Variants in SYK observed in about 807,000 individuals in gnomAD.
SYK encodes the protein spleen associated tyrosine kinase, also known as tyrosine-protein kinase SYK.
Under a neutral mutation model 77.8 loss-of-function variants are expected in SYK, and 16 were observed. That is an observed-to-expected ratio of 0.21 (90% confidence interval 0.14 to 0.31). The LOEUF is 0.31. Ranked by LOEUF, SYK falls within the 10% of genes least tolerant of loss-of-function variation. The pLI, the probability that SYK is intolerant of heterozygous loss-of-function variation, is 1.00. For missense variants in SYK, 529 were observed against 814.4 expected, an observed-to-expected ratio of 0.65 and a Z score of 4.26; for synonymous variants, 312 against 308.7, an observed-to-expected ratio of 1.01 and a Z score of -0.11.
chr9:90,884,220 T>TATACACATACACACGTGTATATATACAC lies in SYK; in HGVS notation c.1582-3516_1582-3515insCGTGTATATATACACATACACATACACA, dbSNP rs1564120111. On this transcript the variant is annotated intron_variant, in intron 11 of 13. Coordinates refer to ENST00000375754, the MANE Select transcript of SYK (RefSeq NM_003177.7). The stretch of plus-strand genomic sequence containing the variant: ...ACACATACGTGTATATATACACGCA[T>TATACACATACACACGTGTATATATACAC]ATACACATACACATACGTGTATATA... 4.9e-3 allele frequency among the ~76,000 whole-genome samples: 162 copies of TATACACATACACACGTGTATATATACAC among 33,044 alleles called. 12 individuals are homozygous for TATACACATACACACGTGTATATATACAC. The highest frequency in any genetic ancestry group is 6.8e-3 in the Non-Finnish European group (125 of 18,338). 21.7% of individuals were successfully genotyped at this position (33,044 alleles called of 152,430 possible). A position where few individuals can be genotyped will look rare whatever the true frequency, so the allele number is the denominator to read the frequency against.
intron 3 of SYK, among the ~76,000 whole-genome samples, chr9:90,859,725 C>T (rs1157150746): frequency 6.6e-6 from 1 of 152,156 alleles, no homozygotes; most frequent in Non-Finnish European, 1.5e-5. Context: ...GTAGGAGGGG[C>T]CTTGCTGCTC....
chr9:90,874,755 G>A lies in SYK; in HGVS notation c.1087G>A (p.Val363Ile), dbSNP rs775193698. 6.8e-6 allele frequency: 11 copies of A among 1,614,004 alleles called. No homozygotes were observed. In the East Asian group the frequency reaches 2.5e-4, roughly 36 times the overall value. ...CCCCGAGGAGATCAGGCCCAAGGAG[G>A]TTTACCTGGACCGAAAGCTGCTGAC... ...ADPEEIRPKE[V>I]YLDRKLLTLE... The change falls in exon 9 of 14, where the codon GTT becomes ATT. Residue 363 changes from valine (V) to isoleucine (I), a missense_variant. Coordinates refer to ENST00000375754, the MANE Select transcript of SYK (RefSeq NM_003177.7).
chr9:90,824,034 C>T (rs1825598138), intron 1 of SYK, among the ~76,000 whole-genome samples: 1 of 151,418 alleles, frequency 6.6e-6, no homozygotes. Flanking sequence ...GTAGAAGATG[C>T]AATTTACCAA....
intron 3 of SYK, among the ~76,000 whole-genome samples, chr9:90,848,994 G>A (rs746591101): frequency 1.1e-4 from 16 of 152,226 alleles, no homozygotes; most frequent in Admixed American, 3.9e-4. Flanking sequence ...TGGCAGGAGC[G>A]TGCCTGGGGA....
rs199501490 is a variant in SYK, at chr9:90,877,786, G to A, written c.1391+6G>A. On this transcript the variant is annotated splice_donor_region_variant and intron_variant, in intron 10 of 13. Coordinates refer to ENST00000375754, the MANE Select transcript of SYK (RefSeq NM_003177.7). ...AAGTATTTGCAGCAGAACAGGTATTGTCAGGTGCCCCCACACATCTGGAAG... is the reference window on the plus strand; with the variant it reads ...AAGTATTTGCAGCAGAACAGGTATTATCAGGTGCCCCCACACATCTGGAAG... 9 of 1,613,838 alleles carry A rather than the reference G, an allele frequency of 5.6e-6. No homozygotes were observed. The highest frequency in any genetic ancestry group is 7.6e-6 in the Non-Finnish European group (9 of 1,179,980).
chr9:90,859,996 T>C (rs1827191946), intron 3 of SYK, among the ~76,000 whole-genome samples: 1 of 152,120 alleles, frequency 6.6e-6, no homozygotes, highest in African/African-American at 2.4e-5. Flanking sequence ...ACTACTATCT[T>C]TTTTTCTGGA....
At chr9:90,802,160 C>T (rs568812909) in intron 1 of SYK, 2 of 152,356 alleles carry the variant, frequency 1.3e-5, no homozygotes, top group Admixed American at 6.5e-5. Flanking sequence ...GAAAGTGACC[C>T]GGGCACCCCA....
At chr9:90,808,082 A>T (rs1824913373) in intron 1 of SYK, among the ~76,000 whole-genome samples, 1 of 152,180 alleles carries the variant, frequency 6.6e-6, no homozygotes, top group Non-Finnish European at 1.5e-5. Context: ...TTTTGATATT[A>T]TAAACAGTGC....
At chr9:90,831,690 A>G (rs2118516124) in intron 1 of SYK, among the ~76,000 whole-genome samples, 1 of 152,334 alleles carries the variant, frequency 6.6e-6, no homozygotes, top group African/African-American at 2.4e-5. Flanking sequence ...TTTTGCAGTC[A>G]TTTGTGACGT....
intron 1 of SYK, among the ~76,000 whole-genome samples, chr9:90,812,771 G>GTGTGTGTT (rs1825134700): frequency 1.1e-5 from 1 of 89,860 alleles, no homozygotes; most frequent in African/African-American, 3.2e-5. Context: ...GTGTGTGTGT[G>GTGTGTGTT]TGTGTGTGAG....
intron 3 of SYK, among the ~76,000 whole-genome samples, chr9:90,848,572 G>A (rs577534727): frequency 6.6e-6 from 1 of 152,304 alleles, no homozygotes; most frequent in South Asian, 2.1e-4. Flanking sequence ...GCCAGCTGCT[G>A]TTTTTTTCCC....
chr9:90,836,848 A>G (rs1826104020), intron 1 of SYK, among the ~76,000 whole-genome samples: 1 of 152,188 alleles, frequency 6.6e-6, no homozygotes, highest in African/African-American at 2.4e-5. Context: ...AGGATTGTAG[A>G]TGGAGGACTG....
At chr9:90,852,594 A>G (rs1161364807) in intron 3 of SYK, among the ~76,000 whole-genome samples, 1 of 152,210 alleles carries the variant, frequency 6.6e-6, no homozygotes, top group African/African-American at 2.4e-5. Flanking sequence ...GCCAAGAACA[A>G]TTTCAAGGTG....
intron 1 of SYK, among the ~76,000 whole-genome samples, chr9:90,816,431 G>A (rs1054150151): frequency 5.3e-5 from 8 of 152,122 alleles, no homozygotes; most frequent in East Asian, 1.9e-4. Flanking sequence ...GGTTGGACAC[G>A]TCTGCCACCT....
At chr9:90,849,565 C>G (rs1386223693) in intron 3 of SYK, among the ~76,000 whole-genome samples, 1 of 152,244 alleles carries the variant, frequency 6.6e-6, no homozygotes, top group Non-Finnish European at 1.5e-5. Flanking sequence ...GCACCTCTTT[C>G]TACCTCCTCT....
chr9:90,840,566 A>T (rs1826264636), intron 1 of SYK, among the ~76,000 whole-genome samples: 1 of 151,710 alleles, frequency 6.6e-6, no homozygotes, highest in Admixed American at 6.6e-5. Context: ...AAAAAAAAAA[A>T]AAAAAAAAAA....
At position 90,855,697 on chromosome 9, in the gene SYK, T is replaced by TGA. The variant is rs373151521; in HGVS notation, c.579-6488_579-6487dup. Among the ~76,000 whole-genome samples the TGA allele has an allele frequency of 1.1e-3, 162 of 150,174 alleles. 1 individual carries two copies. Among genetic ancestry groups the TGA allele is most frequent in the African/African-American group, 1.8e-3 (74 of 41,072 alleles). On this transcript the variant is annotated intron_variant, in intron 3 of 13. Coordinates refer to ENST00000375754, the MANE Select transcript of SYK (RefSeq NM_003177.7). ...GTGTGTGTGTGTGTGTGGGTGTGTGTGAGAGAGAGAGAGAGAGAGAGACAG... is the reference window on the plus strand; with the variant it reads ...GTGTGTGTGTGTGTGTGGGTGTGTGTGAGAGAGAGAGAGAGAGAGAGAGACAG...
intron 13 of SYK, among the ~76,000 whole-genome samples, chr9:90,891,142 CTTTTTTTTTT>C (rs750370621): frequency 6.7e-5 from 8 of 119,088 alleles, no homozygotes; most frequent in East Asian, 3.1e-4. Context: ...ATGTTGCCTG[CTTTTTTTTTT>C]TTTTTTTTTT....
chr9:90,820,431 G>A (rs1428893587), intron 1 of SYK, among the ~76,000 whole-genome samples: 2 of 152,216 alleles, frequency 1.3e-5, no homozygotes, highest in African/African-American at 4.8e-5. Flanking sequence ...CTGAAGTCTA[G>A]GCAGAGGTTC....
Sources: gnomAD v4.1 joint callset for allele counts (sites outside exome capture counted in the v4.1 genomes callset) on GRCh38, gnomAD v4.1.1 for gene constraint, MANE v1.5 for transcripts, NCBI Gene and HGNC (gene_info 2026-07-23, HGNC 2026-07-21) for gene names.